SRD5A2: variants seen among roughly 807,000 people sequenced by gnomAD.
The protein encoded by SRD5A2 is 3-oxo-5-alpha-steroid 4-dehydrogenase 2.
Under a neutral mutation model 27.4 loss-of-function variants are expected in SRD5A2, and 30 were observed. The ratio of observed to expected loss-of-function variants is 1.10; its 90% confidence interval spans 0.82 to 1.49. The LOEUF is 1.49. Ranked by LOEUF, SRD5A2 falls within the 40% of genes most tolerant of loss-of-function variation. The pLI, the probability that SRD5A2 is intolerant of heterozygous loss-of-function variation, is 0.00. For synonymous variants in SRD5A2, 141 were observed against 133.6 expected, an observed-to-expected ratio of 1.06 and a Z score of -0.38; for missense variants, 348 against 323.4, an observed-to-expected ratio of 1.08 and a Z score of -0.58.
rs1410698101 is a variant in SRD5A2 at position 31,522,885 on chromosome 2, T to C, written c.*3311A>G. The C allele has an allele frequency of 8.9e-6, 2 of 223,532 alleles. No homozygotes were observed. Among genetic ancestry groups the C allele is most frequent in the Non-Finnish European group, 1.8e-5 (2 of 112,072 alleles). 13.8% of individuals were successfully genotyped at this position (223,532 alleles called of 1,614,324 possible). The stretch of plus-strand genomic sequence containing the variant: ...GAATCTTCATGAGCCTATTCCTTCA[T>C]GTGCCAAGAGCTTGCTCCCCTGCTT... On this transcript the variant is annotated 3_prime_UTR_variant, in exon 5 of 5. Transcript: ENST00000622030.
intron 1 of SRD5A2, among the ~76,000 whole-genome samples, chr2:31,559,026 C>G (rs1666560101): frequency 6.6e-6 from 1 of 152,228 alleles, no homozygotes; most frequent in Admixed American, 6.5e-5. Flanking sequence ...ACCCAGTACA[C>G]AGCTCCAGTT....
chr2:31,530,389 C>T (rs951772886), intron 3 of SRD5A2, among the ~76,000 whole-genome samples: 10 of 152,072 alleles, frequency 6.6e-5, no homozygotes, highest in East Asian at 3.9e-4. Flanking sequence ...GATGAGACTG[C>T]GTCAGTGGTT....
At chr2:31,533,571 G>A (rs754342424) in intron 2 of SRD5A2, 32 bp downstream of exon 2, 6 of 1,546,422 alleles carry the variant, frequency 3.9e-6, no homozygotes, top group South Asian at 1.2e-5. Flanking sequence ...TGTTAGCTGG[G>A]AAGTAGGTGA....
In SRD5A2 at chr2:31,529,308, T is replaced by C. The variant is rs755616682; in HGVS notation, c.697A>G (p.Arg233Gly). ...FLGLRAFHHH[R>G]FYLKMFEDYP... ...TGCCGCTTTTATTGAAAAATTTACC[T>C]ATGGTGGTGAAAAGCTCGCAGCCCA... The change falls in exon 4 of 5, where the codon AGG becomes GGG. Residue 233 changes from arginine (R) to glycine (G), a missense_variant and splice_region_variant. Physicochemically the swap from Arg to Gly is moderately radical, Grantham distance 125. Coordinates refer to ENST00000622030, the MANE Select transcript of SRD5A2 (RefSeq NM_000348.4). The C allele has an allele frequency of 3.1e-6, 5 of 1,613,624 alleles. No individual in the cohort carries two copies. In the South Asian group the frequency reaches 5.5e-5, roughly 18 times the overall value.
At chr2:31,602,442 T>C in the SRD5A2 span, among the ~76,000 whole-genome samples, 8 of 152,126 alleles carry the variant, frequency 5.3e-5, no homozygotes, top group Admixed American at 1.3e-4. Context: ...TCCACGCTCA[T>C]GGATAGGAAG....
the SRD5A2 span, among the ~76,000 whole-genome samples, chr2:31,586,018 GT>G: frequency 2.0e-5 from 3 of 152,136 alleles, no homozygotes; most frequent in South Asian, 4.2e-4. Flanking sequence ...CCAGCTCAGT[GT>G]TTTTGTTTAT....
intron 1 of SRD5A2, among the ~76,000 whole-genome samples, chr2:31,544,416 T>C (rs146709631): frequency 1.4e-4 from 21 of 151,946 alleles, no homozygotes; most frequent in Admixed American, 1.4e-3. Flanking sequence ...GAAAAATCTA[T>C]AAATATGTGA....
chr2:31,582,914 C>A (rs971097842), upstream of SRD5A2, among the ~76,000 whole-genome samples: 1 of 129,090 alleles, frequency 7.7e-6, no homozygotes, highest in Non-Finnish European at 1.7e-5. Context: ...TATTTCAAAC[C>A]CAGCTCAATG....
In SRD5A2 at chr2:31,580,011, G is replaced by C. The variant is rs528273721; in HGVS notation, c.281+609C>G. Among the ~76,000 whole-genome samples, 13 of 152,340 alleles carry C rather than the reference G, an allele frequency of 8.5e-5. No homozygotes were observed. In the South Asian group the frequency reaches 1.9e-3, roughly 22 times the overall value. On this transcript the variant is annotated intron_variant, in intron 1 of 4. Transcript: ENST00000622030. ...GCCTAAGAAGCGGGGACCCTCGCTT[G>C]AGTCAGTGGGATCTCACTATATTCT...
the SRD5A2 span, among the ~76,000 whole-genome samples, chr2:31,619,143 AT>A: frequency 1.3e-5 from 2 of 152,140 alleles, no homozygotes; most frequent in Non-Finnish European, 2.9e-5. Flanking sequence ...GATGGCTATA[AT>A]CAAAAAGACA....
chr2:31,609,488 A>C, the SRD5A2 span, among the ~76,000 whole-genome samples: 36 of 152,278 alleles, frequency 2.4e-4, no homozygotes, highest in South Asian at 7.5e-3. Context: ...ATTTTCAACA[A>C]GGTTGTCAAG....
At chr2:31,607,138 T>C in the SRD5A2 span, among the ~76,000 whole-genome samples, 3 of 151,992 alleles carry the variant, frequency 2.0e-5, no homozygotes, top group Admixed American at 6.6e-5. Context: ...GAAAAAAACA[T>C]AGCATCAGTT....
At chr2:31,554,924 C>CGTGT (rs59697517) in intron 1 of SRD5A2, among the ~76,000 whole-genome samples, 8,136 of 132,096 alleles carry the variant, frequency 0.062, 337 homozygotes, top group African/African-American at 0.1. Context: ...CTATCCTGAT[C>CGTGT]GTGTGTGTGT....
chr2:31,541,312 A>G (rs927431062), intron 1 of SRD5A2, among the ~76,000 whole-genome samples: 8 of 151,816 alleles, frequency 5.3e-5, no homozygotes, highest in Admixed American at 6.6e-5. Context: ...CAGAGTTACC[A>G]CATCATTAAA....
the SRD5A2 span, among the ~76,000 whole-genome samples, chr2:31,607,694 C>T: frequency 6.6e-6 from 1 of 151,972 alleles, no homozygotes; most frequent in East Asian, 1.9e-4. Flanking sequence ...AATTGCAGAG[C>T]ATCAGAAATT....
At chr2:31,627,957 G>T in the SRD5A2 span, among the ~76,000 whole-genome samples, 1 of 152,024 alleles carries the variant, frequency 6.6e-6, no homozygotes. Context: ...CTGTTGTTTG[G>T]GGGTGGAGAG....
chr2:31,640,298 C>T, the SRD5A2 span, among the ~76,000 whole-genome samples: 1 of 151,828 alleles, frequency 6.6e-6, no homozygotes, highest in East Asian at 1.9e-4. Context: ...CTATTTTGAA[C>T]TCTTGTTCAG....
At position 31,529,348 on chromosome 2, in the gene SRD5A2, GA is replaced by G. The variant is rs61748127; in HGVS notation, c.656del (p.Phe219SerfsTer60). On this transcript the variant is annotated frameshift_variant, in exon 4 of 5. Transcript: ENST00000622030. LOFTEE classifies it high-confidence loss of function. ...CTCGCAGCCCAAGGAAACAAAGTGA[GA>G]AAAATGCAAATGCAAGTGCTGGGAG... The part of the protein sequence containing the change: ...WSLPALAFAF[F>X]SLCFLGLRAF... 3.1e-6 allele frequency: 5 copies of G among 1,613,820 alleles called. No homozygotes were observed. The East Asian group carries it at 1.1e-4, about 36-fold the overall frequency.
the SRD5A2 span, among the ~76,000 whole-genome samples, chr2:31,623,931 C>G: frequency 6.6e-6 from 1 of 152,166 alleles, no homozygotes; most frequent in African/African-American, 2.4e-5. Context: ...GTTGAACCAA[C>G]CTTACATCCC....
Sources: gnomAD v4.1 joint callset for allele counts (sites outside exome capture counted in the v4.1 genomes callset) on GRCh38, gnomAD v4.1.1 for gene constraint, MANE v1.5 for transcripts, NCBI Gene and HGNC (gene_info 2026-07-23, HGNC 2026-07-21) for gene names.